SEMA3A: variants seen among roughly 807,000 people sequenced by gnomAD.
SEMA3A encodes the protein semaphorin-3A.
A neutral mutation model predicts 97.9 loss-of-function variants in SEMA3A; 29 were observed. The observed-to-expected ratio is 0.30, with a 90% CI of 0.22 to 0.40. The LOEUF (loss-of-function observed/expected upper bound fraction) is 0.40, where lower values mean the gene tolerates loss of function less well. Ranked by LOEUF, SEMA3A falls within the 10% of genes least tolerant of loss-of-function variation. SEMA3A has a pLI of 1.00. For synonymous variants in SEMA3A, 321 were observed against 323.7 expected, an observed-to-expected ratio of 0.99 and a Z score of 0.09; for missense variants, 763 against 951.3, an observed-to-expected ratio of 0.80 and a Z score of 2.60.
intron 3 of SEMA3A, among the ~76,000 whole-genome samples, chr7:84,221,691 AAC>A (rs1320049030): frequency 6.6e-6 from 1 of 152,048 alleles, no homozygotes; most frequent in African/African-American, 2.4e-5. Flanking sequence ...GAGCCGTGAG[AAC>A]ACACATAGCA....
chr7:84,133,498 T>C (rs1430289792), intron 2 of SEMA3A, among the ~76,000 whole-genome samples: 3 of 152,120 alleles, frequency 2.0e-5, no homozygotes, highest in Non-Finnish European at 4.4e-5. Flanking sequence ...TGGTTGTGAG[T>C]AGTTGGGGCA....
chr7:84,134,798 T>C lies in SEMA3A; in HGVS notation c.266A>G (p.Gln89Arg), dbSNP rs1043645189. ...CATATATTAGAATACTGATACCTTT[T>C]GAAAATCCTTGATATTAACCAGGTC... ...SFDLVNIKDF[Q>R]KIVWPVSYTR... Residue 89 changes from glutamine (Q) to arginine (R), a missense_variant, in exon 2 of 17, where the codon CAA becomes CGA. Coordinates refer to ENST00000265362, the MANE Select transcript of SEMA3A (RefSeq NM_006080.3). 2 of 1,608,934 alleles carry C rather than the reference T, an allele frequency of 1.2e-6. No homozygotes were observed. The highest frequency in any genetic ancestry group is 2.7e-5 in the African/African-American group (2 of 74,828).
At chr7:84,392,032 G>T (rs889943323) in intron 1 of SEMA3A, among the ~76,000 whole-genome samples, 27 of 151,086 alleles carry the variant, frequency 1.8e-4, no homozygotes, top group Middle Eastern at 3.4e-3. Context: ...TATAATTTTT[G>T]AATACAATGT....
At chr7:84,373,194 C>A (rs1255227528) in intron 1 of SEMA3A, among the ~76,000 whole-genome samples, 1 of 152,164 alleles carries the variant, frequency 6.6e-6, no homozygotes, top group African/African-American at 2.4e-5. Context: ...AGTGAGCTCA[C>A]ACATCGGATA....
intron 1 of SEMA3A, among the ~76,000 whole-genome samples, chr7:84,394,650 A>G (rs1803678029): frequency 6.6e-6 from 1 of 152,072 alleles, no homozygotes; most frequent in Non-Finnish European, 1.5e-5. Context: ...TAAAACTAAA[A>G]CCTACAGATT....
intron 3 of SEMA3A, among the ~76,000 whole-genome samples, chr7:84,228,323 C>A (rs1799039396): frequency 6.6e-6 from 1 of 152,088 alleles, no homozygotes; most frequent in South Asian, 2.1e-4. Context: ...TACCCCATCA[C>A]ACAAATATTC....
chr7:84,076,493 T>C (rs1441212456), intron 4 of SEMA3A, among the ~76,000 whole-genome samples: 3 of 152,156 alleles, frequency 2.0e-5, no homozygotes, highest in African/African-American at 7.2e-5. Flanking sequence ...TGCTACTTTA[T>C]TGATACACTT....
rs67659986 is a variant in SEMA3A, at chr7:84,488,317, T to TACACACAC, written c.-246+4135_-246+4142dup. 1.6e-3 allele frequency among the ~76,000 whole-genome samples: 237 copies of TACACACAC among 145,760 alleles called. 1 individual carries two copies. The highest frequency in any genetic ancestry group is 5.8e-3 in the East Asian group (28 of 4,812). ...TTTTCCAGCTATGTTTCTTCGTATA[T>TACACACAC]ACACACACACACACACACACACACA... On this transcript the variant is annotated intron_variant, in intron 1 of 3. Coordinates refer to the SEMA3A transcript ENST00000424555.
At chr7:84,156,518 T>A (rs6977516) in intron 1 of SEMA3A, among the ~76,000 whole-genome samples, 1 of 151,950 alleles carries the variant, frequency 6.6e-6, no homozygotes, top group African/African-American at 2.4e-5. Context: ...CCCCAGAAAT[T>A]ATTGTTTTCT....
At chr7:84,390,985 C>G (rs1219301112) in intron 1 of SEMA3A, among the ~76,000 whole-genome samples, 1 of 152,162 alleles carries the variant, frequency 6.6e-6, no homozygotes, top group Non-Finnish European at 1.5e-5. Flanking sequence ...TTTGTTAACA[C>G]AGGCCCTCTC....
chr7:84,279,610 G>A (rs558079549), intron 3 of SEMA3A, among the ~76,000 whole-genome samples: 1 of 152,268 alleles, frequency 6.6e-6, no homozygotes, highest in Admixed American at 6.6e-5. Flanking sequence ...TGAATTTGGG[G>A]CAAAGGTTAT....
At position 84,248,189 on chromosome 7, in the gene SEMA3A, T is replaced by C. The variant is rs142835903; in HGVS notation, c.-82-53521A>G. ...AATACTTAAAATATATATTTAAAGA[T>C]AGTTTCCCCATGTTGATATTTTCCC... is the stretch of plus-strand genomic sequence containing the variant. On this transcript the variant is annotated intron_variant, in intron 3 of 3. Transcript: ENST00000424555. Among the ~76,000 whole-genome samples the C allele has an allele frequency of 1.9e-3, 297 of 152,312 alleles. 1 individual carries two copies. The highest frequency in any genetic ancestry group is 4.1e-3 in the South Asian group (20 of 4,830).
chr7:84,345,801 T>A (rs1489578939), intron 2 of SEMA3A, among the ~76,000 whole-genome samples: 1 of 152,218 alleles, frequency 6.6e-6, no homozygotes, highest in East Asian at 1.9e-4. Context: ...AAGTGATTCA[T>A]GAGGGTTGGC....
intron 2 of SEMA3A, among the ~76,000 whole-genome samples, chr7:84,341,528 G>A (rs1427648185): frequency 4.0e-5 from 6 of 151,760 alleles, no homozygotes; most frequent in African/African-American, 1.5e-4. Context: ...AACCTAGGAG[G>A]CGTTATTTCC....
intron 1 of SEMA3A, among the ~76,000 whole-genome samples, chr7:84,172,705 C>T (rs1797428832): frequency 6.6e-6 from 1 of 152,132 alleles, no homozygotes; most frequent in African/African-American, 2.4e-5. Context: ...GGATTACAGG[C>T]GTGGGCCACT....
intron 1 of SEMA3A, among the ~76,000 whole-genome samples, chr7:84,471,446 T>C (rs941426665): frequency 3.9e-5 from 6 of 152,166 alleles, no homozygotes; most frequent in African/African-American, 7.2e-5. Flanking sequence ...AGATTTTTAA[T>C]GAAATGTTGG....
chr7:84,152,557 G>A (rs1796707552), intron 1 of SEMA3A, among the ~76,000 whole-genome samples: 1 of 110,320 alleles, frequency 9.1e-6, no homozygotes, highest in Non-Finnish European at 1.8e-5. Context: ...TGGGGGGAGG[G>A]GGGAGGGATA....
Position 84,344,744 on chromosome 7 carries a change from G to T in SEMA3A, c.-169+27080C>A, listed in dbSNP as rs1017607397. On this transcript the variant is annotated intron_variant, in intron 2 of 3. Transcript: ENST00000424555. ...GAACTATTTTAAAAAAGAATAGGCA[G>T]AAAAATATCTGGAGCTCAAGGATTA... is the stretch of plus-strand genomic sequence containing the variant. Among the ~76,000 whole-genome samples, 4 of 152,080 alleles carry T rather than the reference G, an allele frequency of 2.6e-5. No individual in the cohort carries two copies. In the East Asian group the frequency reaches 7.7e-4, roughly 29 times the overall value.
chr7:84,217,988 G>A (rs932318707), intron 3 of SEMA3A, among the ~76,000 whole-genome samples: 1 of 151,606 alleles, frequency 6.6e-6, no homozygotes, highest in Non-Finnish European at 1.5e-5. Context: ...GGGAAGCTAA[G>A]GCCTCTGGTT....
Sources: gnomAD v4.1 joint callset for allele counts (sites outside exome capture counted in the v4.1 genomes callset) on GRCh38, gnomAD v4.1.1 for gene constraint, MANE v1.5 for transcripts, NCBI Gene and HGNC (gene_info 2026-07-23, HGNC 2026-07-21) for gene names.